Variants in CBFA2T3 observed in about 807,000 individuals in gnomAD.
The protein encoded by CBFA2T3 is transcriptional corepressor CBFA2T3.
CBFA2T3 carries 31 observed loss-of-function variants against 58.6 expected under a neutral mutation model. That is an observed-to-expected ratio of 0.53 (90% CI 0.40 to 0.71). The LOEUF (loss-of-function observed/expected upper bound fraction) is 0.71. Ranked by LOEUF, CBFA2T3 falls within the 30% of genes least tolerant of loss-of-function variation. The pLI is 0.00. For missense variants in CBFA2T3, 1,076 were observed against 963.1 expected, an observed-to-expected ratio of 1.12 and a Z score of -1.55; for synonymous variants, 531 against 421.9, an observed-to-expected ratio of 1.26 and a Z score of -3.17.
At position 88,875,579 on chromosome 16, in the gene CBFA2T3, G is replaced by T; in HGVS notation, c.*1397C>A. ...CTGCGGTGGGGCGATGGGGCCGAGA[G>T]GTTGGAGTTGGGGCGATGGGGCTGA... On this transcript the variant is annotated 3_prime_UTR_variant, in exon 12 of 12. Transcript: ENST00000268679. 1 of 233,872 alleles carries T rather than the reference G, an allele frequency of 4.3e-6. No individual in the cohort carries two copies. The highest frequency in any genetic ancestry group is 8.5e-6 in the Non-Finnish European group (1 of 118,302). The allele number at this position is 233,872 out of a possible 1,614,324, so 14.5% of individuals were successfully genotyped here.
chr16:88,909,898 C>T (rs1970473360), intron 1 of CBFA2T3, among the ~76,000 whole-genome samples: 3 of 152,262 alleles, frequency 2.0e-5, no homozygotes, highest in African/African-American at 7.2e-5. Flanking sequence ...GCAGTAAACC[C>T]AGGCCAAGGT....
chr16:88,876,583 G>A lies in CBFA2T3; in HGVS notation c.*393C>T, dbSNP rs191015356. On this transcript the variant is annotated 3_prime_UTR_variant, in exon 12 of 12. Coordinates refer to ENST00000268679, the MANE Select transcript of CBFA2T3 (RefSeq NM_005187.6). ...TTCATTGAAGAGAAAGTGTGTGATA[G>A]TCATAGAGAGAGAGAGGATAGAGAA... 4 of 262,732 alleles carry A rather than the reference G, an allele frequency of 1.5e-5. No individual in the cohort carries two copies. In the East Asian group the frequency reaches 2.3e-4, roughly 15 times the overall value. The allele number at this position is 262,732 out of a possible 1,614,324, so 16.3% of individuals were successfully genotyped here.
At chr16:88,928,674 G>C (rs1432466370) in intron 1 of CBFA2T3, among the ~76,000 whole-genome samples, 1 of 152,244 alleles carries the variant, frequency 6.6e-6, no homozygotes, top group East Asian at 1.9e-4. Context: ...TCGTGTGTCA[G>C]GTGCAGGTGC....
chr16:88,885,531 C>G lies in CBFA2T3; in HGVS notation c.894-262G>C, dbSNP rs989855163. ...GGGGCCTGGTGGTCAAAGAGCCGGACTCGCTGCTCTGGGAACGAGGAGAGG... is the reference window on the plus strand; with the variant it reads ...GGGGCCTGGTGGTCAAAGAGCCGGAGTCGCTGCTCTGGGAACGAGGAGAGG... On this transcript the variant is annotated intron_variant, in intron 6 of 11. Transcript: ENST00000268679. The surrounding 1 kb of genome is among the most constrained non-coding windows in gnomAD (Gnocchi z 5.3). Among the ~76,000 whole-genome samples the G allele has an allele frequency of 1.5e-4, 23 of 152,172 alleles. No individual in the cohort carries two copies. Among genetic ancestry groups the G allele is most frequent in the African/African-American group, 5.3e-4 (22 of 41,434 alleles).
At chr16:88,925,597 GGC>G (rs1971060965) in intron 1 of CBFA2T3, among the ~76,000 whole-genome samples, 1 of 152,212 alleles carries the variant, frequency 6.6e-6, no homozygotes, top group Non-Finnish European at 1.5e-5. Context: ...GGCTCAGAGA[GGC>G]TCCAGGCCTG....
At chr16:88,944,607 A>G (rs1971855769) in intron 1 of CBFA2T3, among the ~76,000 whole-genome samples, 1 of 152,188 alleles carries the variant, frequency 6.6e-6, no homozygotes, top group Non-Finnish European at 1.5e-5. Flanking sequence ...ACTTCTGGCC[A>G]TCCTGATCCC....
chr16:88,962,531 G>A (rs1972391777), intron 1 of CBFA2T3, among the ~76,000 whole-genome samples: 1 of 152,208 alleles, frequency 6.6e-6, no homozygotes, highest in African/African-American at 2.4e-5. Context: ...GAGTCCCGAA[G>A]GAGAGGCCCA....
chr16:88,941,203 G>C, intron 1 of CBFA2T3: 1 of 979,150 alleles, frequency 1.0e-6, no homozygotes, highest in Non-Finnish European at 1.2e-6. Flanking sequence ...GCGGCCGCCT[G>C]GGCCATGCCG....
rs114933072 is a variant in CBFA2T3, at chr16:88,910,362, T to C, written c.152-8706A>G. Among the ~76,000 whole-genome samples, 626 of 152,298 alleles carry C rather than the reference T, an allele frequency of 4.1e-3. 2 individuals are homozygous for C. The highest frequency in any genetic ancestry group is 0.014 in the African/African-American group (598 of 41,566). ...GAGCCCACCCGCCTGTCCTGCTCCT[T>C]CTCTTCTCTTGTGGATGCTCCCCGT... is the stretch of plus-strand genomic sequence containing the variant. On this transcript the variant is annotated intron_variant, in intron 1 of 11. Coordinates refer to ENST00000268679, the MANE Select transcript of CBFA2T3 (RefSeq NM_005187.6).
chr16:88,907,429 G>A, intron 1 of CBFA2T3, among the ~76,000 whole-genome samples: 1 of 152,222 alleles, frequency 6.6e-6, no homozygotes, highest in Non-Finnish European at 1.5e-5. Flanking sequence ...TCAGAGGCAG[G>A]TGGGCAGCGG....
chr16:88,933,214 G>A (rs1567617824), intron 1 of CBFA2T3, among the ~76,000 whole-genome samples: 1 of 152,244 alleles, frequency 6.6e-6, no homozygotes, highest in Non-Finnish European at 1.5e-5. Flanking sequence ...CAACTCCTGG[G>A]GGCTGTTTTG....
In CBFA2T3 at chr16:88,941,866, G is replaced by A. The variant is rs1597769487; in HGVS notation, c.151+34791C>T. 4.7e-5 allele frequency: 7 copies of A among 148,400 alleles called. No individual in the cohort carries two copies. In the South Asian group the frequency reaches 1.5e-3, roughly 31 times the overall value. The allele number at this position is 148,400 out of a possible 1,614,324, so 9.2% of individuals were successfully genotyped here. On this transcript the variant is annotated intron_variant, in intron 1 of 11. Transcript: ENST00000268679. ...GAACGGGAGTTGGGGGGTGTGGGGG[G>A]GGTGGGGAGGTGGGGAGTTGGGGGG...
At chr16:88,945,358 A>G (rs1403231825) in intron 1 of CBFA2T3, among the ~76,000 whole-genome samples, 1 of 152,252 alleles carries the variant, frequency 6.6e-6, no homozygotes, top group African/African-American at 2.4e-5. Flanking sequence ...AAAAGACACT[A>G]TGAAGAGAAT....
chr16:88,926,461 G>T (rs986103724), intron 1 of CBFA2T3, among the ~76,000 whole-genome samples: 1 of 152,204 alleles, frequency 6.6e-6, no homozygotes, highest in Admixed American at 6.5e-5. Flanking sequence ...GTTTTCAGGG[G>T]TCGAGGCTGA....
chr16:88,915,098 G>C (rs1296567735), intron 1 of CBFA2T3, among the ~76,000 whole-genome samples: 1 of 151,248 alleles, frequency 6.6e-6, no homozygotes, highest in African/African-American at 2.4e-5. Flanking sequence ...CCCTTCTCTT[G>C]TCTCCATGCC....
chr16:88,880,410 G>A (rs1442570531), intron 10 of CBFA2T3, among the ~76,000 whole-genome samples: 2 of 152,232 alleles, frequency 1.3e-5, no homozygotes, highest in African/African-American at 2.4e-5. Context: ...CTGGCCCCGC[G>A]TGCCTGACGC....
chr16:88,972,799 CA>C (rs1972686702), intron 1 of CBFA2T3, among the ~76,000 whole-genome samples: 1 of 152,192 alleles, frequency 6.6e-6, no homozygotes, highest in Non-Finnish European at 1.5e-5. Context: ...ATGTGGTCAA[CA>C]AAAGGGGGGA....
intron 1 of CBFA2T3, among the ~76,000 whole-genome samples, chr16:88,960,735 G>T (rs574916335): frequency 6.6e-6 from 1 of 152,272 alleles, no homozygotes; most frequent in South Asian, 2.1e-4. Flanking sequence ...CACTGGCCTG[G>T]GCCACCCGCC....
At chr16:88,976,314 A>G (rs1972859097) in intron 1 of CBFA2T3, among the ~76,000 whole-genome samples, 1 of 152,044 alleles carries the variant, frequency 6.6e-6, no homozygotes, top group Non-Finnish European at 1.5e-5. Context: ...CTCTCTTTCT[A>G]GGACCCCCCC....
Sources: allele counts gnomAD v4.1 joint callset (sites outside exome capture counted in the v4.1 genomes callset), GRCh38; gene constraint gnomAD v4.1.1; non-coding constraint Gnocchi (gnomAD v3.1); transcripts MANE v1.5; gene names NCBI Gene and HGNC (gene_info 2026-07-23, HGNC 2026-07-21).